Variants in HAPLN1 observed in about 807,000 individuals in gnomAD.
HAPLN1 encodes Cartilage link protein.
A neutral mutation model predicts 36.5 loss-of-function variants in HAPLN1; 13 were observed. That is an observed-to-expected ratio of 0.36 (90% CI 0.23 to 0.57). The LOEUF (loss-of-function observed/expected upper bound fraction) is 0.57. Ranked by LOEUF, HAPLN1 falls within the 20% of genes least tolerant of loss-of-function variation. The pLI, the probability that HAPLN1 is intolerant of heterozygous loss-of-function variation, is 0.83. For missense variants in HAPLN1, 407 were observed against 439.7 expected (o/e 0.93, Z 0.66); for synonymous variants, 202 against 169.8 (o/e 1.19, Z -1.48).
intron 1 of HAPLN1, among the ~76,000 whole-genome samples, chr5:83,712,111 G>A (rs1751798068): frequency 6.6e-6 from 1 of 152,138 alleles, no homozygotes; most frequent in South Asian, 2.1e-4. Context: ...AATCATGTAA[G>A]GATGAGGAAT....
chr5:83,656,948 T>C (rs1172630513), intron 2 of HAPLN1, among the ~76,000 whole-genome samples: 1 of 152,150 alleles, frequency 6.6e-6, no homozygotes, highest in East Asian at 1.9e-4. Flanking sequence ...GAAAAACAAT[T>C]TAAAACTATG....
chr5:83,663,799 C>CTTTT (rs71605866), intron 2 of HAPLN1, among the ~76,000 whole-genome samples: 3 of 121,884 alleles, frequency 2.5e-5, no homozygotes, highest in Admixed American at 8.6e-5. Flanking sequence ...TCTTCCTTCA[C>CTTTT]TTTTTTTTTT....
rs1750108230 is a variant in HAPLN1 at position 83,652,800 on chromosome 5, A to G, written c.125T>C (p.Val42Ala). ...AAACACCTTGGCTTGCTCTGCTTCC[A>G]CAAGTAGATGGGGGCCATTTTCTGC... is the stretch of plus-strand genomic sequence containing the variant. ...IQAENGPHLL[V>A]EAEQAKVFSH... The change falls in exon 3 of 5, where the codon GTG becomes GCG. Residue 42 changes from valine to alanine, a missense_variant. Transcript: ENST00000274341. 1.3e-6 allele frequency: 2 copies of G among 1,597,268 alleles called. No individual in the cohort carries two copies. Among genetic ancestry groups the G allele is most frequent in the Admixed American group, 1.7e-5 (1 of 59,156 alleles).
At chr5:83,646,668 A>G (rs1378059471) in intron 3 of HAPLN1, among the ~76,000 whole-genome samples, 4 of 152,190 alleles carry the variant, frequency 2.6e-5, no homozygotes. Flanking sequence ...AAGGAGTAAA[A>G]GCCTCTCTTG....
chr5:83,689,925 T>C (rs974920978), intron 1 of HAPLN1, among the ~76,000 whole-genome samples: 23 of 152,138 alleles, frequency 1.5e-4, no homozygotes, highest in African/African-American at 5.3e-4. Context: ...AAATTTTATA[T>C]GAACAAACAA....
At position 83,644,578 on chromosome 5, in the gene HAPLN1, A is replaced by G. The variant is rs1749799352; in HGVS notation, c.560T>C (p.Val187Ala). 1 of 1,592,284 alleles carries G rather than the reference A, an allele frequency of 6.3e-7. No individual in the cohort carries two copies. Among genetic ancestry groups the G allele is most frequent in the African/African-American group, 1.4e-5 (1 of 73,968 alleles). ...AQQACLDQDA[V>A]IASFDQLYDA... ...GTACAGCTGGTCGAAGGAGGCGATCACAGCATCCTGGTCCAGACACGCCTG... is the reference window on the plus strand; with the variant it reads ...GTACAGCTGGTCGAAGGAGGCGATCGCAGCATCCTGGTCCAGACACGCCTG... The change falls in exon 4 of 5, where the codon GTG (valine) becomes GCG (alanine). Residue 187 changes from valine to alanine, a missense_variant. Coordinates refer to ENST00000274341, the MANE Select transcript of HAPLN1 (RefSeq NM_001884.4).
At chr5:83,663,799 CTTTT>C (rs71605866) in intron 2 of HAPLN1, among the ~76,000 whole-genome samples, 1 of 121,884 alleles carries the variant, frequency 8.2e-6, no homozygotes, top group African/African-American at 3.0e-5. Flanking sequence ...TCTTCCTTCA[CTTTT>C]TTTTTTTTTT....
chr5:83,710,444 C>A (rs1274282790), intron 1 of HAPLN1, among the ~76,000 whole-genome samples: 1 of 151,866 alleles, frequency 6.6e-6, no homozygotes, highest in East Asian at 1.9e-4. Context: ...GTTGACCTTG[C>A]TGAGGAGCAT....
chr5:83,712,003 C>T (rs183624179), intron 1 of HAPLN1, among the ~76,000 whole-genome samples: 1 of 152,180 alleles, frequency 6.6e-6, no homozygotes, highest in Non-Finnish European at 1.5e-5. Context: ...GAATGATATA[C>T]TAATTTGCAG....
At chr5:83,659,832 G>A (rs1245324010) in intron 2 of HAPLN1, among the ~76,000 whole-genome samples, 1 of 152,008 alleles carries the variant, frequency 6.6e-6, no homozygotes, top group Non-Finnish European at 1.5e-5. Flanking sequence ...GCTGAAGATA[G>A]TAATTGTTGT....
In HAPLN1 at chr5:83,671,294, A is replaced by T. The variant is rs116782669; in HGVS notation, c.100+2130T>A. 6.7e-3 allele frequency among the ~76,000 whole-genome samples: 1,020 copies of T among 152,304 alleles called. 3 individuals carry two copies. The highest frequency in any genetic ancestry group is 9.2e-3 in the Non-Finnish European group (625 of 68,018). On this transcript the variant is annotated intron_variant, in intron 2 of 4. Transcript: ENST00000274341. ...GTAATGATATTTTTACAGCAACGTG[A>T]ATTTTCAACTATTTTCCATCACTAA...
intron 2 of HAPLN1, among the ~76,000 whole-genome samples, chr5:83,661,550 T>C (rs1394246360): frequency 5.5e-5 from 8 of 144,758 alleles, no homozygotes; most frequent in Non-Finnish European, 7.5e-5. Flanking sequence ...GTTCACGCCA[T>C]TGTCCTGCCT....
intron 2 of HAPLN1, among the ~76,000 whole-genome samples, chr5:83,666,496 G>T (rs1451870280): frequency 6.6e-6 from 1 of 151,976 alleles, no homozygotes; most frequent in Non-Finnish European, 1.5e-5. Flanking sequence ...GTTACTACCT[G>T]CAAAGATTAT....
At chr5:83,648,973 T>C (rs1239680608) in intron 3 of HAPLN1, among the ~76,000 whole-genome samples, 4 of 152,226 alleles carry the variant, frequency 2.6e-5, no homozygotes, top group African/African-American at 7.2e-5. Flanking sequence ...TTTATTTTTA[T>C]GGCTTTTATT....
At chr5:83,648,795 G>T (rs1325663534) in intron 3 of HAPLN1, among the ~76,000 whole-genome samples, 1 of 151,968 alleles carries the variant, frequency 6.6e-6, no homozygotes, top group Non-Finnish European at 1.5e-5. Context: ...AATGAAAAAG[G>T]TTAAAAATGA....
intron 1 of HAPLN1, among the ~76,000 whole-genome samples, chr5:83,712,608 C>T (rs1165773678): frequency 6.6e-6 from 1 of 151,646 alleles, no homozygotes; most frequent in Non-Finnish European, 1.5e-5. Flanking sequence ...TGACTTTTTT[C>T]ATTGGCCTGT....
At chr5:83,703,603 GTCTC>G (rs1240299518) in intron 1 of HAPLN1, 1 of 152,018 alleles carries the variant, frequency 6.6e-6, no homozygotes, top group Non-Finnish European at 1.5e-5. Flanking sequence ...CTTGAATACT[GTCTC>G]TCTGAAATAA....
chr5:83,669,327 C>T (rs6870873), intron 2 of HAPLN1, among the ~76,000 whole-genome samples: 4,282 of 152,010 alleles, frequency 0.028, 141 homozygotes, highest in African/African-American at 0.078. Context: ...TGCAAAACCC[C>T]GCTGCTACTA....
chr5:83,682,740 T>G (rs1214381579), intron 1 of HAPLN1, among the ~76,000 whole-genome samples: 1 of 152,182 alleles, frequency 6.6e-6, no homozygotes, highest in Non-Finnish European at 1.5e-5. Context: ...TCCAATTAAT[T>G]TAGCAAATAT....
Sources: gnomAD v4.1 joint callset for allele counts (sites outside exome capture counted in the v4.1 genomes callset) on GRCh38, gnomAD v4.1.1 for gene constraint, MANE v1.5 for transcripts, NCBI Gene and HGNC (gene_info 2026-07-23, HGNC 2026-07-21) for gene names.